The following AGBL1 variants were observed in gnomAD, a reference collection of about 807,000 sequenced individuals.
The protein encoded by AGBL1 is AGBL carboxypeptidase 1.
A neutral mutation model predicts 118.9 loss-of-function variants in AGBL1; 130 were observed. The ratio of observed to expected loss-of-function variants is 1.09; its 90% CI spans 0.95 to 1.26. The LOEUF is 1.26. Ranked by LOEUF, AGBL1 falls within the 50% of genes most tolerant of loss-of-function variation. The pLI is 0.00. For missense variants in AGBL1, 1,584 were observed against 1,298.1 expected, an observed-to-expected ratio of 1.22 and a Z score of -3.38; for synonymous variants, 555 against 478.9, an observed-to-expected ratio of 1.16 and a Z score of -2.08.
intron 1 of AGBL1, among the ~76,000 whole-genome samples, chr15:86,114,991 A>G (rs950094003): frequency 6.6e-6 from 1 of 152,168 alleles, no homozygotes; most frequent in Admixed American, 6.5e-5. Context: ...GGCTGAAAAA[A>G]TTGTGGCTGC....
intron 22 of AGBL1, among the ~76,000 whole-genome samples, chr15:86,819,873 G>C (rs996172698): frequency 3.3e-5 from 5 of 151,936 alleles, no homozygotes; most frequent in Admixed American, 1.3e-4. Context: ...GAGGCATCAC[G>C]CTACCTGACT....
At chr15:86,745,480 G>T (rs1036580034) in intron 22 of AGBL1, among the ~76,000 whole-genome samples, 2 of 151,992 alleles carry the variant, frequency 1.3e-5, no homozygotes, top group Non-Finnish European at 2.9e-5. Flanking sequence ...GAGGTGCAGA[G>T]AACTGGGAAC....
chr15:86,504,890 T>C (rs1359927647), intron 18 of AGBL1, among the ~76,000 whole-genome samples: 2 of 151,790 alleles, frequency 1.3e-5, no homozygotes, highest in African/African-American at 4.8e-5. Flanking sequence ...CTTGTTACTG[T>C]CTAGTGTCTT....
At chr15:86,894,732 A>G (rs2080098421) in intron 22 of AGBL1, among the ~76,000 whole-genome samples, 1 of 152,176 alleles carries the variant, frequency 6.6e-6, no homozygotes, top group African/African-American at 2.4e-5. Flanking sequence ...GCTTCTTACC[A>G]CTGCCAGTCA....
At chr15:86,350,444 T>C (rs2141899464) in intron 17 of AGBL1, among the ~76,000 whole-genome samples, 1 of 152,310 alleles carries the variant, frequency 6.6e-6, no homozygotes, top group South Asian at 2.1e-4. Context: ...ACAGAAGATA[T>C]ATGAAGATAA....
chr15:86,883,266 C>T (rs961089684), intron 22 of AGBL1, among the ~76,000 whole-genome samples: 1 of 152,116 alleles, frequency 6.6e-6, no homozygotes, highest in Non-Finnish European at 1.5e-5. Flanking sequence ...ATAAAATGAC[C>T]TGTAAAATTA....
intron 5 of AGBL1, among the ~76,000 whole-genome samples, chr15:86,218,836 T>C (rs966445571): frequency 2.0e-5 from 3 of 152,282 alleles, no homozygotes; most frequent in Middle Eastern, 3.4e-3. Context: ...CCTGTTTGAG[T>C]TGGGAAACAT....
intron 17 of AGBL1, among the ~76,000 whole-genome samples, chr15:86,311,286 C>CA (rs141533925): frequency 0.011 from 1,688 of 152,104 alleles, 33 homozygotes; most frequent in African/African-American, 0.038. Context: ...TATTATTCTG[C>CA]AAAAAATGGA....
At chr15:86,346,334 C>A (rs2080536154) in intron 17 of AGBL1, among the ~76,000 whole-genome samples, 1 of 150,580 alleles carries the variant, frequency 6.6e-6, no homozygotes, top group African/African-American at 2.4e-5. Flanking sequence ...TAAGCTCATT[C>A]TTTCTTTTCT....
intron 17 of AGBL1, among the ~76,000 whole-genome samples, chr15:86,381,214 CTT>C (rs1238631605): frequency 6.6e-6 from 1 of 152,156 alleles, no homozygotes; most frequent in African/African-American, 2.4e-5. Context: ...ATGAGTGACT[CTT>C]TTGCCATCAT....
chr15:86,806,883 A>G (rs2078721853), intron 22 of AGBL1, among the ~76,000 whole-genome samples: 1 of 151,910 alleles, frequency 6.6e-6, no homozygotes. Context: ...TGTGTTATAT[A>G]CAATACGTGA....
intron 23 of AGBL1, among the ~76,000 whole-genome samples, chr15:86,930,352 C>T (rs1280356876): frequency 6.6e-6 from 1 of 152,090 alleles, no homozygotes; most frequent in Non-Finnish European, 1.5e-5. Flanking sequence ...TTTATCACTA[C>T]TATATAAATA....
chr15:86,836,678 C>T (rs1021641502), intron 22 of AGBL1, among the ~76,000 whole-genome samples: 2 of 152,114 alleles, frequency 1.3e-5, no homozygotes, highest in Admixed American at 6.6e-5. Context: ...CTGCCTCTCT[C>T]ACCTCATATG....
At chr15:86,497,090 T>C (rs974760090) in intron 18 of AGBL1, among the ~76,000 whole-genome samples, 3 of 151,974 alleles carry the variant, frequency 2.0e-5, no homozygotes, top group African/African-American at 7.2e-5. Flanking sequence ...CTGACTTATC[T>C]AGCCATCAAA....
intron 5 of AGBL1, among the ~76,000 whole-genome samples, chr15:86,174,196 G>A (rs1030186801): frequency 6.6e-6 from 1 of 151,894 alleles, no homozygotes; most frequent in South Asian, 2.1e-4. Flanking sequence ...TAGGCATTTT[G>A]TTATTTTTTG....
chr15:86,133,702 A>G (rs2076848626), intron 1 of AGBL1, among the ~76,000 whole-genome samples: 1 of 152,232 alleles, frequency 6.6e-6, no homozygotes, highest in African/African-American at 2.4e-5. Context: ...TTGACAATTC[A>G]TTATATAAGA....
intron 22 of AGBL1, among the ~76,000 whole-genome samples, chr15:86,677,715 G>T (rs139218929): frequency 6.6e-6 from 1 of 152,214 alleles, no homozygotes; most frequent in Non-Finnish European, 1.5e-5. Context: ...TAGTCCTGTT[G>T]CTTTAGCCTG....
intron 22 of AGBL1, among the ~76,000 whole-genome samples, chr15:86,768,183 A>C (rs1001550858): frequency 6.6e-6 from 1 of 151,950 alleles, no homozygotes; most frequent in African/African-American, 2.4e-5. Context: ...TTTGCTCGCA[A>C]ATTTTATTCA....
intron 7 of AGBL1, among the ~76,000 whole-genome samples, chr15:86,253,589 G>A (rs1164353490): frequency 6.6e-6 from 1 of 152,080 alleles, no homozygotes; most frequent in Non-Finnish European, 1.5e-5. Context: ...AAGAGGACAT[G>A]AATTAAAGGG....
Sources: gnomAD v4.1 joint callset for allele counts (sites outside exome capture counted in the v4.1 genomes callset) on GRCh38, gnomAD v4.1.1 for gene constraint, MANE v1.5 for transcripts, NCBI Gene and HGNC (gene_info 2026-07-23, HGNC 2026-07-21) for gene names.